Variants in CDK14 observed in about 807,000 individuals in gnomAD.
CDK14 encodes the protein cyclin dependent kinase 14, also known as cyclin-dependent kinase 14.
CDK14 carries 34 observed loss-of-function variants against 60.7 expected under a neutral mutation model. The observed-to-expected ratio is 0.56, with a 90% CI of 0.43 to 0.75. The LOEUF is 0.75. Ranked by LOEUF, CDK14 falls within the 30% of genes least tolerant of loss-of-function variation. The pLI is 0.00. For synonymous variants in CDK14, 197 were observed against 203.7 expected, an observed-to-expected ratio of 0.97 and a Z score of 0.28; for missense variants, 482 against 564.1, an observed-to-expected ratio of 0.85 and a Z score of 1.47.
chr7:90,963,887 T>A (rs1794679071), intron 9 of CDK14, among the ~76,000 whole-genome samples: 2 of 151,878 alleles, frequency 1.3e-5, no homozygotes, highest in Non-Finnish European at 2.9e-5. Context: ...GGCTAATTTT[T>A]GTATTTTTAG....
chr7:91,078,743 G>C (rs1006097711), intron 11 of CDK14, among the ~76,000 whole-genome samples: 1 of 152,160 alleles, frequency 6.6e-6, no homozygotes, highest in African/African-American at 2.4e-5. Context: ...TCGTACATAA[G>C]GATGGGTGTA....
intron 3 of CDK14, among the ~76,000 whole-genome samples, chr7:90,737,439 A>G (rs941872110): frequency 6.6e-6 from 1 of 152,144 alleles, no homozygotes; most frequent in African/African-American, 2.4e-5. Flanking sequence ...TGAGAGTTTC[A>G]CTTCTGTTTT....
chr7:91,084,229 A>G lies in CDK14; in HGVS notation c.1154+4749A>G, dbSNP rs150275513. On this transcript the variant is annotated intron_variant, in intron 12 of 14. Transcript: ENST00000380050. ...ATTCATGGGAGCTTATCAATATCTA[A>G]TTTTATTTTGTTCTCGCCGCAGCCA... is the stretch of plus-strand genomic sequence containing the variant. Among the ~76,000 whole-genome samples the G allele has an allele frequency of 3.3e-5, 5 of 152,284 alleles. No homozygotes were observed. In the East Asian group the frequency reaches 9.7e-4, roughly 29 times the overall value.
intron 5 of CDK14, among the ~76,000 whole-genome samples, chr7:90,809,805 A>C (rs1192885255): frequency 6.6e-6 from 1 of 152,264 alleles, no homozygotes; most frequent in African/African-American, 2.4e-5. Context: ...CCAATCCCAC[A>C]GAAATGCAGA....
chr7:90,923,107 C>CTTTT (rs1319576107), intron 8 of CDK14, among the ~76,000 whole-genome samples: 2 of 129,372 alleles, frequency 1.5e-5, no homozygotes, highest in Non-Finnish European at 3.3e-5. Flanking sequence ...CCCTAAACAT[C>CTTTT]TTTTTTTTTT....
chr7:91,032,775 G>A lies in CDK14; in HGVS notation c.1042-13122G>A, dbSNP rs534677948. ...AGAACTGTGAGAGAGCACATTTCTC[G>A]TTTTAAGCCACCAAGTTTGTGTTGT... On this transcript the variant is annotated intron_variant, in intron 10 of 14. Transcript: ENST00000380050. Among the ~76,000 whole-genome samples, 105 of 152,258 alleles carry A rather than the reference G, an allele frequency of 6.9e-4. 1 individual carries two copies. The highest frequency in any genetic ancestry group is 1.9e-3 in the African/African-American group (79 of 41,554).
intron 2 of CDK14, among the ~76,000 whole-genome samples, chr7:90,682,551 A>G (rs1354519919): frequency 6.6e-6 from 1 of 152,224 alleles, no homozygotes; most frequent in Non-Finnish European, 1.5e-5. Flanking sequence ...CAGTGCAGTT[A>G]TCACCTTCAG....
intron 2 of CDK14, among the ~76,000 whole-genome samples, chr7:90,674,045 G>A (rs971968741): frequency 1.3e-5 from 2 of 152,164 alleles, no homozygotes; most frequent in Non-Finnish European, 2.9e-5. Flanking sequence ...ACGTTTGGGA[G>A]CTTAACTAAG....
chr7:90,710,182 C>G, intron 2 of CDK14: 3 of 985,214 alleles, frequency 3.0e-6, no homozygotes, highest in Non-Finnish European at 3.6e-6. Flanking sequence ...TTTTGAGGCT[C>G]CCGAGGCTAC....
chr7:90,923,179 G>C lies in CDK14; in HGVS notation c.826+5455G>C, dbSNP rs1014576187. ...GCTGGAGTGTAGTGGCGCCAATCTCGGCTCACTGCAAGCTCCGCCTCCCGG... is the reference window on the plus strand; with the variant it reads ...GCTGGAGTGTAGTGGCGCCAATCTCCGCTCACTGCAAGCTCCGCCTCCCGG... On this transcript the variant is annotated intron_variant, in intron 8 of 14. Coordinates refer to ENST00000380050, the MANE Select transcript of CDK14 (RefSeq NM_001287135.2). Among the ~76,000 whole-genome samples the C allele has an allele frequency of 4.1e-5, 6 of 144,778 alleles. No individual in the cohort carries two copies. In the Admixed American group the frequency reaches 4.3e-4, roughly 10 times the overall value. 95.0% of individuals were successfully genotyped at this position (144,778 alleles called of 152,430 possible). A position where few individuals can be genotyped will look rare whatever the true frequency, so the allele number is the denominator to read the frequency against.
intron 13 of CDK14, among the ~76,000 whole-genome samples, chr7:91,116,663 C>T (rs191077273): frequency 1.3e-5 from 2 of 152,248 alleles, no homozygotes; most frequent in East Asian, 3.9e-4. Flanking sequence ...GAATCCTTTA[C>T]AACCAGGCTT....
At chr7:90,830,582 T>C (rs941082944) in intron 5 of CDK14, among the ~76,000 whole-genome samples, 3 of 152,226 alleles carry the variant, frequency 2.0e-5, no homozygotes, top group Non-Finnish European at 4.4e-5. Flanking sequence ...TTTCTTATGC[T>C]AATCTCTGCA....
At chr7:90,949,924 T>C (rs1794205325) in intron 8 of CDK14, among the ~76,000 whole-genome samples, 2 of 152,208 alleles carry the variant, frequency 1.3e-5, no homozygotes, top group Admixed American at 6.5e-5. Context: ...CCCAATTTTC[T>C]GGAAAGGATA....
intron 5 of CDK14, among the ~76,000 whole-genome samples, chr7:90,855,643 T>TA (rs1373297652): frequency 7.2e-5 from 11 of 152,204 alleles, no homozygotes; most frequent in Non-Finnish European, 1.6e-4. Flanking sequence ...TTAATGTTGG[T>TA]AAAAATAACA....
At chr7:90,813,031 T>C (rs1295189679) in intron 5 of CDK14, among the ~76,000 whole-genome samples, 1 of 152,216 alleles carries the variant, frequency 6.6e-6, no homozygotes, top group African/African-American at 2.4e-5. Flanking sequence ...GTCCATCAAC[T>C]GTTGAGTTGA....
At chr7:90,828,110 A>G (rs1789787231) in intron 5 of CDK14, among the ~76,000 whole-genome samples, 1 of 152,220 alleles carries the variant, frequency 6.6e-6, no homozygotes, top group East Asian at 1.9e-4. Context: ...TTAACCTCCA[A>G]GGTTTAAATA....
At chr7:90,628,661 A>AAT (rs771586318) in intron 2 of CDK14, among the ~76,000 whole-genome samples, 17 of 151,918 alleles carry the variant, frequency 1.1e-4, no homozygotes, top group Non-Finnish European at 1.6e-4. Flanking sequence ...TGTCTCTAAA[A>AAT]ATATATATAT....
At chr7:90,730,714 TG>T (rs1802828630) in intron 3 of CDK14, among the ~76,000 whole-genome samples, 1 of 152,218 alleles carries the variant, frequency 6.6e-6, no homozygotes, top group Non-Finnish European at 1.5e-5. Context: ...TTTTTTCTCT[TG>T]TAAATTTGTT....
intron 5 of CDK14, among the ~76,000 whole-genome samples, chr7:90,805,284 T>C (rs2117017719): frequency 6.6e-6 from 1 of 152,226 alleles, no homozygotes; most frequent in South Asian, 2.1e-4. Flanking sequence ...CAGTTTGACA[T>C]CTCAAAATCA....
Sources: gnomAD v4.1 joint callset for allele counts (sites outside exome capture counted in the v4.1 genomes callset) on GRCh38, gnomAD v4.1.1 for gene constraint, MANE v1.5 for transcripts, NCBI Gene and HGNC (gene_info 2026-07-23, HGNC 2026-07-21) for gene names.